ZFAND3: variants seen among roughly 807,000 people sequenced by gnomAD.
The protein encoded by ZFAND3 is zinc finger AN1-type containing 3.
Under a neutral mutation model 29.6 loss-of-function variants are expected in ZFAND3, and 10 were observed. The ratio of observed to expected loss-of-function variants is 0.34; its 90% CI spans 0.21 to 0.57. The LOEUF is 0.57. ZFAND3 is among the 20% of genes least tolerant of loss of function. The pLI, the probability that ZFAND3 is intolerant of heterozygous loss-of-function variation, is 0.86. For missense variants in ZFAND3, 230 were observed against 304.5 expected, an observed-to-expected ratio of 0.76 and a Z score of 1.82; for synonymous variants, 128 against 112.6, an observed-to-expected ratio of 1.14 and a Z score of -0.87.
At chr6:38,114,408 TACTC>T (rs1413282784) in intron 4 of ZFAND3, among the ~76,000 whole-genome samples, 25 of 152,226 alleles carry the variant, frequency 1.6e-4, no homozygotes, top group African/African-American at 5.8e-4. Flanking sequence ...GTAGCCACCT[TACTC>T]ACCACACTGA....
chr6:37,893,963 A>G (rs1328448307), intron 1 of ZFAND3, among the ~76,000 whole-genome samples: 4 of 150,458 alleles, frequency 2.7e-5, no homozygotes, highest in Non-Finnish European at 5.9e-5. Context: ...TGCTTTACAC[A>G]TTTGTCTTAG....
At chr6:38,148,564 ATCT>A (rs751612501) in intron 5 of ZFAND3, among the ~76,000 whole-genome samples, 16 of 152,196 alleles carry the variant, frequency 1.1e-4, no homozygotes, top group Non-Finnish European at 2.4e-4. Flanking sequence ...ATGGAAAATA[ATCT>A]TCTGTAGCAG....
chr6:37,855,007 G>A (rs926060919), intron 1 of ZFAND3, among the ~76,000 whole-genome samples: 1 of 108,678 alleles, frequency 9.2e-6, no homozygotes, highest in South Asian at 3.0e-4. Flanking sequence ...TTGGGATCTT[G>A]CTGGATTATG....
intron 5 of ZFAND3, among the ~76,000 whole-genome samples, chr6:38,118,586 T>C (rs1765465478): frequency 6.6e-6 from 1 of 150,830 alleles, no homozygotes; most frequent in South Asian, 2.1e-4. Context: ...AATTGGTCTA[T>C]CAAGTATGCT....
chr6:37,856,906 G>A (rs1195243766), intron 1 of ZFAND3, among the ~76,000 whole-genome samples: 7 of 151,474 alleles, frequency 4.6e-5, no homozygotes, highest in Admixed American at 2.6e-4. Flanking sequence ...CATAAACATC[G>A]CAAAATCTAG....
At chr6:37,955,327 G>A (rs1457779902) in intron 2 of ZFAND3, among the ~76,000 whole-genome samples, 1 of 152,092 alleles carries the variant, frequency 6.6e-6, no homozygotes, top group Admixed American at 6.5e-5. Flanking sequence ...AAAGTTAGTA[G>A]GAAAGCTAAA....
intron 2 of ZFAND3, among the ~76,000 whole-genome samples, chr6:37,968,874 T>C (rs973609022): frequency 3.9e-5 from 6 of 152,240 alleles, no homozygotes; most frequent in African/African-American, 1.4e-4. Context: ...TCCAGTAATC[T>C]GCGAACATTA....
At chr6:37,934,285 C>T (rs997009535) in intron 2 of ZFAND3, among the ~76,000 whole-genome samples, 8 of 151,762 alleles carry the variant, frequency 5.3e-5, no homozygotes, top group African/African-American at 1.2e-4. Flanking sequence ...CGGGTTCAAG[C>T]GATTCCAAAG....
At chr6:37,887,821 G>A (rs1205073232) in intron 1 of ZFAND3, among the ~76,000 whole-genome samples, 9 of 152,184 alleles carry the variant, frequency 5.9e-5, no homozygotes, top group Admixed American at 2.6e-4. Flanking sequence ...GTAGAAGGAG[G>A]AATATGGTTT....
At position 38,082,452 on chromosome 6, in the gene ZFAND3, G is replaced by A; in HGVS notation, c.356G>A (p.Gly119Asp). 6.2e-7 allele frequency: 1 copy of A among 1,611,048 alleles called. No individual in the cohort carries two copies. The part of the protein sequence containing the change: ...SLITPTKRSC[G>D]TDSQSENEAS... ...ATCACACCAACAAAAAGATCCTGTG[G>A]TACAGGTATGTACGTCATTCTTATG... The change falls in exon 4 of 6, where the codon GGT becomes GAT. Residue 119 changes from glycine (G) to aspartate (D), a missense_variant. By Grantham distance (94) the Gly-to-Asp change is moderately conservative. Transcript: ENST00000287218.
chr6:38,058,427 T>C (rs1764173157), intron 2 of ZFAND3, among the ~76,000 whole-genome samples: 1 of 152,262 alleles, frequency 6.6e-6, no homozygotes, highest in Non-Finnish European at 1.5e-5. Flanking sequence ...ATATAGTACC[T>C]GTTTCTTGAA....
intron 1 of ZFAND3, among the ~76,000 whole-genome samples, chr6:37,872,568 A>G (rs1327723866): frequency 2.0e-5 from 3 of 152,138 alleles, no homozygotes; most frequent in African/African-American, 7.2e-5. Flanking sequence ...GCCTCTCCAG[A>G]GTACCACTCT....
chr6:37,884,292 G>A (rs1764950206), intron 1 of ZFAND3, among the ~76,000 whole-genome samples: 1 of 144,048 alleles, frequency 6.9e-6, no homozygotes, highest in African/African-American at 2.8e-5. Flanking sequence ...TCGAGAGTTT[G>A]AGACCAGCCT....
chr6:37,864,757 AC>A (rs1764556692), intron 1 of ZFAND3, among the ~76,000 whole-genome samples: 1 of 151,188 alleles, frequency 6.6e-6, no homozygotes, highest in African/African-American at 2.4e-5. Context: ...ACACACACAC[AC>A]ACACACACAC....
intron 1 of ZFAND3, among the ~76,000 whole-genome samples, chr6:37,906,748 T>C (rs1026611919): frequency 2.0e-5 from 3 of 151,990 alleles, no homozygotes; most frequent in African/African-American, 7.2e-5. Context: ...GTGTATCTTA[T>C]TGTGGTTTTG....
chr6:37,939,148 A>G (rs904374688), intron 2 of ZFAND3, among the ~76,000 whole-genome samples: 5 of 152,188 alleles, frequency 3.3e-5, no homozygotes, highest in Admixed American at 6.5e-5. Flanking sequence ...ACAAATTGCC[A>G]TACACTTGGT....
intron 3 of ZFAND3, among the ~76,000 whole-genome samples, chr6:38,069,227 G>A (rs1764405741): frequency 6.6e-6 from 1 of 152,152 alleles, no homozygotes; most frequent in Admixed American, 6.5e-5. Context: ...AAACAGGCTG[G>A]TTTCTTCTAG....
chr6:37,862,378 C>T (rs1299975112), intron 1 of ZFAND3, among the ~76,000 whole-genome samples: 10 of 151,952 alleles, frequency 6.6e-5, no homozygotes, highest in East Asian at 1.9e-4. Flanking sequence ...GAAGTTATAA[C>T]GAGTTGGAAT....
At chr6:37,934,691 T>C (rs775983833) in intron 2 of ZFAND3, among the ~76,000 whole-genome samples, 4 of 151,728 alleles carry the variant, frequency 2.6e-5, no homozygotes, top group South Asian at 2.1e-4. Context: ...ACAAAAAAAT[T>C]AGCTGAGTGT....
Sources: allele counts gnomAD v4.1 joint callset (sites outside exome capture counted in the v4.1 genomes callset), GRCh38; gene constraint gnomAD v4.1.1; transcripts MANE v1.5; gene names NCBI Gene and HGNC (gene_info 2026-07-23, HGNC 2026-07-21).